RHOF: variants seen among roughly 807,000 people sequenced by gnomAD.
RHOF encodes the protein ras homolog family member F, filopodia associated, also known as rho-related GTP-binding protein RhoF.
In RHOF, 21 loss-of-function variants were observed where a neutral mutation model predicts 22.2. That is an observed-to-expected ratio of 0.95 (90% confidence interval 0.67 to 1.36). The LOEUF (loss-of-function observed/expected upper bound fraction) is 1.36, where lower values mean the gene tolerates loss of function less well. Among genes scored for constraint, RHOF ranks in the 40% most tolerant of loss-of-function variants. The pLI is 0.00. For synonymous variants in RHOF, 135 were observed against 131.2 expected (o/e 1.03, Z -0.20); for missense variants, 285 against 293.7 (o/e 0.97, Z 0.22).
chr12:121,780,700 G>A lies in RHOF; in HGVS notation c.471+172C>T, dbSNP rs1037924965. The A allele has an allele frequency of 4.5e-5, 32 of 718,464 alleles. No individual in the cohort carries two copies. The Admixed American group carries it at 6.4e-4, about 14-fold the overall frequency. The allele number at this position is 718,464 out of a possible 1,614,324, so 44.5% of individuals were successfully genotyped here. A position where few individuals can be genotyped will look rare whatever the true frequency, so the allele number is the denominator to read the frequency against. On this transcript the variant is annotated intron_variant, in intron 4 of 4. Transcript: ENST00000267205. Reference sequence around the variant, plus strand: ...CGAGTCCTAAGGATTGGGAGTAGTCGTGTAAAGTGCTCAGGTCCACAGGCC... The same window carrying A: ...CGAGTCCTAAGGATTGGGAGTAGTCATGTAAAGTGCTCAGGTCCACAGGCC...
In RHOF at chr12:121,793,482, G is replaced by T; in HGVS notation, c.138+14C>A. 1.3e-6 allele frequency: 2 copies of T among 1,540,084 alleles called. No homozygotes were observed. Reference sequence around the variant, plus strand: ...CGTCCCTCGCCCCCACCCCAGCCCCGCTGCGGGCCTCACCTCGGGGAAGGA... The same window carrying T: ...CGTCCCTCGCCCCCACCCCAGCCCCTCTGCGGGCCTCACCTCGGGGAAGGA... On this transcript the variant is annotated intron_variant, in intron 1 of 4. Transcript: ENST00000267205.
intron 2 of RHOF, among the ~76,000 whole-genome samples, chr12:121,788,874 A>G (rs2137504105): frequency 6.6e-6 from 1 of 152,288 alleles, no homozygotes; most frequent in South Asian, 2.1e-4. Flanking sequence ...AGGAGAAGTT[A>G]ATAGCCTGGC....
Position 121,779,552 on chromosome 12 carries a change from G to A in RHOF, c.582C>T (p.Ser194=), listed in dbSNP as rs377473825. 1.9e-5 allele frequency: 31 copies of A among 1,613,872 alleles called. No homozygotes were observed. Among genetic ancestry groups the A allele is most frequent in the Admixed American group, 5.0e-5 (3 of 60,014 alleles). The stretch of plus-strand genomic sequence containing the variant: ...TCTGCCGTTGCGCCTTCTTCAGAGC[G>A]CTGAGAGCCACCTTGGCGGCCTCCC... ...VFREAAKVAL[S]ALKKAQRQKK... The change falls in exon 5 of 5, where the codon AGC becomes AGT. Residue 194 remains serine (S), a synonymous_variant. Transcript: ENST00000267205.
At chr12:121,791,156 C>T (rs188141798) in intron 2 of RHOF, among the ~76,000 whole-genome samples, 7 of 152,152 alleles carry the variant, frequency 4.6e-5, no homozygotes, top group Admixed American at 2.6e-4. Flanking sequence ...GATGTAGTCT[C>T]GCCCTGTCAC....
intron 4 of RHOF, chr12:121,780,526 G>A (rs1465742672): frequency 1.4e-5 from 6 of 438,012 alleles, no homozygotes; most frequent in Non-Finnish European, 2.4e-5. Flanking sequence ...CAGGACGGCG[G>A]CTCATAGCAC....
chr12:121,790,608 C>G (rs1245668712), intron 2 of RHOF, among the ~76,000 whole-genome samples: 2 of 152,234 alleles, frequency 1.3e-5, no homozygotes, highest in Non-Finnish European at 2.9e-5. Flanking sequence ...TATGAGCAAG[C>G]CTTCCCTGGT....
At position 121,793,476 on chromosome 12, in the gene RHOF, A is replaced by C; in HGVS notation, c.138+20T>G. On this transcript the variant is annotated intron_variant, in intron 1 of 4. Transcript: ENST00000267205. ...AAGGGGCGTCCCTCGCCCCCACCCCAGCCCCGCTGCGGGCCTCACCTCGGG... is the reference window on the plus strand; with the variant it reads ...AAGGGGCGTCCCTCGCCCCCACCCCCGCCCCGCTGCGGGCCTCACCTCGGG... 6.5e-7 allele frequency: 1 copy of C among 1,539,548 alleles called. No individual in the cohort carries two copies. Among genetic ancestry groups the C allele is most frequent in the Non-Finnish European group, 8.7e-7 (1 of 1,146,514 alleles).
At chr12:121,786,356 A>G (rs950686230) in intron 2 of RHOF, among the ~76,000 whole-genome samples, 1 of 152,146 alleles carries the variant, frequency 6.6e-6, no homozygotes, top group African/African-American at 2.4e-5. Context: ...ATGTCAGCCA[A>G]GGTTGTTCCA....
chr12:121,793,351 C>T (rs962622828), intron 1 of RHOF, 112 bp from the exon 2 acceptor site: 71 of 1,432,862 alleles, frequency 5.0e-5, no homozygotes, highest in Non-Finnish European at 6.6e-5. Flanking sequence ...CCCCTCACCC[C>T]GCTGGGCTCT....
chr12:121,777,897 G>A lies in RHOF; in HGVS notation c.*1601C>T, dbSNP rs1874297488. ...AAGAACTCCTTGGTTGATTCCCCAG[G>A]GTACGGCAGGGCCTTGGGAACCTGG... On this transcript the variant is annotated 3_prime_UTR_variant, in exon 5 of 5. Coordinates refer to ENST00000267205, the MANE Select transcript of RHOF (RefSeq NM_019034.3). 6.6e-6 allele frequency: 1 copy of A among 152,226 alleles called. No homozygotes were observed. The highest frequency in any genetic ancestry group is 1.5e-5 in the Non-Finnish European group (1 of 68,050). The allele number at this position is 152,226 out of a possible 1,614,324, so 9.4% of individuals were successfully genotyped here.
intron 1 of RHOF, 78 bp downstream of exon 1, chr12:121,793,418 G>A (rs1391569082): frequency 2.0e-5 from 30 of 1,511,768 alleles, no homozygotes; most frequent in Admixed American, 2.0e-5. Flanking sequence ...TCGGGACGCT[G>A]GGGACTGAGG....
intron 2 of RHOF, among the ~76,000 whole-genome samples, chr12:121,790,945 C>T (rs1404282674): frequency 6.6e-6 from 1 of 152,168 alleles, no homozygotes; most frequent in Non-Finnish European, 1.5e-5. Flanking sequence ...GTGATCTTGA[C>T]TCACTGCAAT....
At chr12:121,791,325 C>G (rs1874758973) in intron 2 of RHOF, among the ~76,000 whole-genome samples, 1 of 152,194 alleles carries the variant, frequency 6.6e-6, no homozygotes, top group South Asian at 2.1e-4. Flanking sequence ...GGGGTTTCAC[C>G]ATGTTGGGCA....
At chr12:121,779,865 A>C (rs940809782) in intron 4 of RHOF, 2 of 585,010 alleles carry the variant, frequency 3.4e-6, no homozygotes, top group Non-Finnish European at 6.0e-6. Flanking sequence ...GGTTGGAAGA[A>C]GCCCTGTCCA....
At chr12:121,789,519 G>A (rs1874707799) in intron 2 of RHOF, among the ~76,000 whole-genome samples, 1 of 152,188 alleles carries the variant, frequency 6.6e-6, no homozygotes, top group Admixed American at 6.5e-5. Context: ...AGGACACACA[G>A]GGCGGGTGGA....
At chr12:121,787,876 G>A (rs1478804532) in intron 2 of RHOF, among the ~76,000 whole-genome samples, 2 of 123,862 alleles carry the variant, frequency 1.6e-5, no homozygotes, top group Admixed American at 2.1e-4. Context: ...GGGCAACAGA[G>A]TGAGACTCTG....
Position 121,779,187 on chromosome 12 carries a change from A to G in RHOF, c.*311T>C, listed in dbSNP as rs1324323601. 1 of 378,806 alleles carries G rather than the reference A, an allele frequency of 2.6e-6. No individual in the cohort carries two copies. The highest frequency in any genetic ancestry group is 2.0e-5 in the African/African-American group (1 of 49,724). 23.5% of individuals were successfully genotyped at this position (378,806 alleles called of 1,614,324 possible). The stretch of plus-strand genomic sequence containing the variant: ...CTACCAGATAGACTTTTTCATTTCA[A>G]GCATAACTTGAGTCTGCACTGGGGA... On this transcript the variant is annotated 3_prime_UTR_variant, in exon 5 of 5. Coordinates refer to ENST00000267205, the MANE Select transcript of RHOF (RefSeq NM_019034.3).
intron 1 of RHOF, 42 bp downstream of exon 1, chr12:121,793,454 G>A: frequency 1.3e-6 from 2 of 1,536,010 alleles, no homozygotes; most frequent in African/African-American, 2.7e-5. Context: ...TCAGGGTAAG[G>A]GGCGTCCCTC....
chr12:121,779,539 C>A lies in RHOF; in HGVS notation c.595G>T (p.Ala199Ser). The part of the protein sequence containing the change: ...AKVALSALKK[A>S]QRQKKRRLCL... ...AGCCGGCGCTTCTTCTGCCGTTGCG[C>A]CTTCTTCAGAGCGCTGAGAGCCACC... Residue 199 changes from alanine to serine, a missense_variant, in exon 5 of 5, where the codon GCG (alanine) becomes TCG (serine). Coordinates refer to ENST00000267205, the MANE Select transcript of RHOF (RefSeq NM_019034.3). 6.2e-7 allele frequency: 1 copy of A among 1,613,178 alleles called. No individual in the cohort carries two copies. Among genetic ancestry groups the A allele is most frequent in the South Asian group, 1.1e-5 (1 of 91,090 alleles).
Sources: gnomAD v4.1 joint callset for allele counts (sites outside exome capture counted in the v4.1 genomes callset) on GRCh38, gnomAD v4.1.1 for gene constraint, MANE v1.5 for transcripts, NCBI Gene and HGNC (gene_info 2026-07-23, HGNC 2026-07-21) for gene names.